Variants in MDM1 observed in about 807,000 individuals in gnomAD.
The protein encoded by MDM1 is stabilizer of axonemal microtubules 6.
A neutral mutation model predicts 89.1 loss-of-function variants in MDM1; 61 were observed. That is an observed-to-expected ratio of 0.68 (90% CI 0.56 to 0.85). The LOEUF (loss-of-function observed/expected upper bound fraction) is 0.85. MDM1 is among the 40% of genes least tolerant of loss of function. The probability of loss-of-function intolerance (pLI) is 0.00; values close to 1 mark genes in which losing one functional copy is unlikely to be tolerated. For synonymous variants in MDM1, 290 were observed against 294.1 expected (o/e 0.99, Z 0.14); for missense variants, 820 against 846.5 (o/e 0.97, Z 0.39).
chr12:68,313,419 C>CT (rs1873975503), intron 12 of MDM1, 24 bp downstream of exon 12: 2 of 1,520,454 alleles, frequency 1.3e-6, no homozygotes, highest in African/African-American at 2.7e-5. Context: ...AGATGAGATG[C>CT]TTTTTTCCCC....
At position 68,321,373 on chromosome 12, in the gene MDM1, G is replaced by A; in HGVS notation, c.979C>T (p.His327Tyr). The A allele has an allele frequency of 1.2e-6, 2 of 1,613,604 alleles. No homozygotes were observed. The highest frequency in any genetic ancestry group is 1.7e-6 in the Non-Finnish European group (2 of 1,179,780). ...TGATTTGGCATGTTTCCCTTTACAT[G>A]TGTCCAAGCCCCAGCTTTATATAAA... ...QYLYKAGAWT[H>Y]VKGNMPNQGS... The change falls in exon 7 of 15, where the codon CAT (histidine) becomes TAT (tyrosine). Residue 327 changes from histidine (H) to tyrosine (Y), a missense_variant. Physicochemically the swap from His to Tyr is moderately conservative, Grantham distance 83. Coordinates refer to ENST00000682720, the MANE Select transcript of MDM1 (RefSeq NM_001354969.2).
chr12:68,302,061 C>CA (rs1872237445), intron 13 of MDM1, among the ~76,000 whole-genome samples: 1 of 151,930 alleles, frequency 6.6e-6, no homozygotes, highest in Admixed American at 6.6e-5. Context: ...TATGGAGTAC[C>CA]AGCAAAATGA....
intron 3 of MDM1, chr12:68,326,419 G>A: frequency 4.1e-6 from 6 of 1,450,886 alleles, no homozygotes; most frequent in Non-Finnish European, 5.4e-6. Flanking sequence ...CCAGACGCAG[G>A]AGGTCCATCC....
Position 68,332,336 on chromosome 12 carries a change from G to A in MDM1, c.-91C>T. 1.4e-6 allele frequency: 2 copies of A among 1,427,866 alleles called. No individual in the cohort carries two copies. The highest frequency in any genetic ancestry group is 9.3e-7 in the Non-Finnish European group (1 of 1,072,424). 88.4% of individuals were successfully genotyped at this position (1,427,866 alleles called of 1,614,324 possible). A position where few individuals can be genotyped will look rare whatever the true frequency, so the allele number is the denominator to read the frequency against. On this transcript the variant is annotated 5_prime_UTR_variant, in exon 1 of 15. Coordinates refer to ENST00000682720, the MANE Select transcript of MDM1 (RefSeq NM_001354969.2). ...GGCGATAACAGTGTTCCCTAGCAAA[G>A]CCTCGGCCCGGCGTCCCCGACTACG...
intron 5 of MDM1, among the ~76,000 whole-genome samples, chr12:68,322,408 GGATC>G (rs1281117667): frequency 2.0e-5 from 3 of 152,188 alleles, no homozygotes; most frequent in African/African-American, 7.2e-5. Context: ...CAAGGTAGGC[GGATC>G]ACCTGAGGCT....
At chr12:68,330,760 T>A (rs1196126582) in intron 2 of MDM1, 1 of 209,818 alleles carries the variant, frequency 4.8e-6, no homozygotes, top group Admixed American at 5.5e-5. Flanking sequence ...GCCTAGGCAA[T>A]ACTCTTGATG....
intron 13 of MDM1, among the ~76,000 whole-genome samples, chr12:68,298,211 C>T (rs1207809851): frequency 6.6e-6 from 1 of 152,190 alleles, no homozygotes; most frequent in African/African-American, 2.4e-5. Flanking sequence ...TCACCACTGC[C>T]TGCAACACCC....
chr12:68,323,055 T>C lies in MDM1; in HGVS notation c.801+18A>G. 6.3e-7 allele frequency: 1 copy of C among 1,586,340 alleles called. No homozygotes were observed. The highest frequency in any genetic ancestry group is 1.4e-5 in the African/African-American group (1 of 72,776). On this transcript the variant is annotated intron_variant, in intron 5 of 14. Coordinates refer to ENST00000682720, the MANE Select transcript of MDM1 (RefSeq NM_001354969.2). ...ATAACGGGGATTTTGTTTTGTAAGG[T>C]TAAAAGTTGATGAATACCTTCCTTT...
chr12:68,332,290 G>A lies in MDM1; in HGVS notation c.-45C>T, dbSNP rs555685551. 6.4e-7 allele frequency: 1 copy of A among 1,565,024 alleles called. No individual in the cohort carries two copies. On this transcript the variant is annotated 5_prime_UTR_variant, in exon 1 of 15. Transcript: ENST00000682720. ...CCCGCTACTCCGACAGTTAACTGGA[G>A]AAAAAGCTCCGAGGGGGCGGGGCGA...
chr12:68,304,676 T>C (rs548651804), intron 12 of MDM1, among the ~76,000 whole-genome samples: 56 of 152,280 alleles, frequency 3.7e-4, no homozygotes, highest in African/African-American at 1.2e-3. Flanking sequence ...GAAAGAAACC[T>C]GTAAAATAAA....
chr12:68,326,161 C>T, intron 3 of MDM1: 1 of 1,035,914 alleles, frequency 9.7e-7, no homozygotes, highest in Non-Finnish European at 1.2e-6. Flanking sequence ...TCACAGGGAC[C>T]TGCTGCAGGC....
At chr12:68,321,717 T>G in intron 5 of MDM1, 89 bp from the exon 6 acceptor site, 1 of 722,578 alleles carries the variant, frequency 1.4e-6, no homozygotes, top group Non-Finnish European at 2.2e-6. Flanking sequence ...ACTTGAATAT[T>G]TAATGACATT....
At chr12:68,320,339 T>C (rs1875049364) in intron 7 of MDM1, among the ~76,000 whole-genome samples, 1 of 152,240 alleles carries the variant, frequency 6.6e-6, no homozygotes, top group Non-Finnish European at 1.5e-5. Flanking sequence ...GCTTTGAGCT[T>C]TGTCTTTTAC....
chr12:68,309,731 CATA>C (rs1183425647), intron 12 of MDM1, among the ~76,000 whole-genome samples: 2 of 152,082 alleles, frequency 1.3e-5, no homozygotes, highest in African/African-American at 2.4e-5. Flanking sequence ...TAATTTTATA[CATA>C]ATAATAACGT....
chr12:68,331,025 T>C, intron 2 of MDM1, 82 bp downstream of exon 2: 1 of 773,924 alleles, frequency 1.3e-6, no homozygotes. Flanking sequence ...AGCCCAAGGT[T>C]TACTTAGCCC....
chr12:68,315,263 T>C lies in MDM1; in HGVS notation c.1214A>G (p.Asp405Gly), dbSNP rs1874330343. ...CTGCAAAGTCTTATGGCTTGTAGGA[T>C]CTCTGCGTAACAAAATCAATTTTAT... ...SNIRALDLAGDPTSHKTLQKC... is the reference protein window; with the variant it reads ...SNIRALDLAGGPTSHKTLQKC... The change falls in exon 10 of 15, where the codon GAT becomes GGT. Residue 405 changes from aspartate (D) to glycine (G), a missense_variant and splice_region_variant. Physicochemically the swap from Asp to Gly is moderately conservative, Grantham distance 94. Transcript: ENST00000682720. The C allele has an allele frequency of 1.9e-6, 3 of 1,608,548 alleles. No homozygotes were observed. The highest frequency in any genetic ancestry group is 4.5e-5 in the East Asian group (2 of 44,834).
chr12:68,331,249 C>T (rs1346368810), intron 1 of MDM1, 28 bp from the exon 2 acceptor site: 2 of 1,182,022 alleles, frequency 1.7e-6, no homozygotes, highest in Admixed American at 1.7e-5. Flanking sequence ...CTTTTGAGTA[C>T]AGTCCAATTA....
rs76753306 is a variant in MDM1 at position 68,313,327 on chromosome 12, C to T, written c.1749+116G>A. 89 of 739,950 alleles carry T rather than the reference C, an allele frequency of 1.2e-4. No individual in the cohort carries two copies. In the East Asian group the frequency reaches 2.3e-3, roughly 19 times the overall value. 45.8% of individuals were successfully genotyped at this position (739,950 alleles called of 1,614,324 possible). The stretch of plus-strand genomic sequence containing the variant: ...CTTACTAAAAGCAGGTTAACAGTAT[C>T]ATCTCCTCATATGATAGCCACAATT... On this transcript the variant is annotated intron_variant, in intron 12 of 14. Transcript: ENST00000682720.
At chr12:68,303,905 A>G (rs116850176) in intron 12 of MDM1, among the ~76,000 whole-genome samples, 2 of 152,208 alleles carry the variant, frequency 1.3e-5, no homozygotes, top group Non-Finnish European at 2.9e-5. Flanking sequence ...ATGACTATGT[A>G]TCACTGTCCT....
Sources: gnomAD v4.1 joint callset for allele counts (sites outside exome capture counted in the v4.1 genomes callset) on GRCh38, gnomAD v4.1.1 for gene constraint, MANE v1.5 for transcripts, NCBI Gene and HGNC (gene_info 2026-07-23, HGNC 2026-07-21) for gene names.